COL5A3: variants seen among roughly 807,000 people sequenced by gnomAD.
COL5A3 encodes the protein collagen type V alpha 3 chain.
A neutral mutation model predicts 250.0 loss-of-function variants in COL5A3; 172 were observed. That is an observed-to-expected ratio of 0.69 (90% CI 0.61 to 0.78). The LOEUF is 0.78. Among genes scored for constraint, COL5A3 ranks in the 30% least tolerant of loss-of-function variants. The pLI, the probability that COL5A3 is intolerant of heterozygous loss-of-function variation, is 0.00. For synonymous variants in COL5A3, 937 were observed against 900.4 expected, an observed-to-expected ratio of 1.04 and a Z score of -0.73; for missense variants, 2,340 against 2,334.4, an observed-to-expected ratio of 1.00 and a Z score of -0.05.
chr19:10,009,619 G>A lies in COL5A3; in HGVS notation c.88+679C>T, dbSNP rs1473805297. Among the ~76,000 whole-genome samples the A allele has an allele frequency of 6.6e-6, 1 of 152,132 alleles. No individual in the cohort carries two copies. The highest frequency in any genetic ancestry group is 1.9e-4 in the East Asian group (1 of 5,176). ...CTCTGGGGACCGCGGGGTGGGGGAGGGGGCAACAGGGAGGGAGGGGAGGAG... is the reference window on the plus strand; with the variant it reads ...CTCTGGGGACCGCGGGGTGGGGGAGAGGGCAACAGGGAGGGAGGGGAGGAG... On this transcript the variant is annotated intron_variant, in intron 1 of 66. Transcript: ENST00000264828. This position sits in a 1 kb window ranked among gnomAD's most constrained non-coding sequence, Gnocchi z 4.4.
intron 8 of COL5A3, among the ~76,000 whole-genome samples, chr19:9,999,672 T>C (rs1050068442): frequency 1.3e-5 from 2 of 152,016 alleles, no homozygotes; most frequent in African/African-American, 2.4e-5. Context: ...TTCACCATGT[T>C]AGCCAGGATG....
Position 9,980,045 on chromosome 19 carries a change from G to A in COL5A3, c.2607C>T (p.Gly869=), listed in dbSNP as rs368018980. ...DGAPGIPGEK[G]LPGLQGPPGF... is the part of the protein sequence containing the mutation. ...CTGGAGGGCCTTGCAGACCAGGGAG[G>A]CCCTGAAATGGAAACAGAAATCATG... Residue 869 remains glycine, a splice_region_variant and synonymous_variant, in exon 36 of 67, where the codon GGC becomes GGT. Transcript: ENST00000264828. 47 of 1,595,482 alleles carry A rather than the reference G, an allele frequency of 2.9e-5. No individual in the cohort carries two copies. The highest frequency in any genetic ancestry group is 4.0e-5 in the Non-Finnish European group (47 of 1,175,336).
Position 9,960,690 on chromosome 19 carries a change from C to T in COL5A3, c.5052G>A (p.Thr1684=), listed in dbSNP as rs749411586. The part of the protein sequence containing the change: ...TNGEELSFNQ[T]TAATVSVPQD... ...GGGGGACGCTGACAGTGGCTGCTGT[C>T]GTCTGGTTGAAAGACAGCTCCTCTC... is the stretch of plus-strand genomic sequence containing the variant. Residue 1684 remains threonine, a synonymous_variant, in exon 66 of 67, where the codon ACG becomes ACA. Transcript: ENST00000264828. 5.6e-6 allele frequency: 9 copies of T among 1,613,802 alleles called. No homozygotes were observed. Among genetic ancestry groups the T allele is most frequent in the South Asian group, 4.4e-5 (4 of 91,060 alleles).
At chr19:9,996,346 A>G in intron 13 of COL5A3, 84 bp from the exon 14 acceptor site, 1 of 1,549,194 alleles carries the variant, frequency 6.5e-7, no homozygotes, top group Non-Finnish European at 8.7e-7. Flanking sequence ...GAGAAAAATA[A>G]CCCCCTTCTC....
chr19:10,006,357 T>C, intron 1 of COL5A3, 126 bp from the exon 2 acceptor site: 1 of 930,158 alleles, frequency 1.1e-6, no homozygotes, highest in East Asian at 2.7e-5. Flanking sequence ...CCCACCATGT[T>C]TGTGGCTCAG....
At chr19:9,995,069 G>A (rs1046290870) in intron 16 of COL5A3, among the ~76,000 whole-genome samples, 14 of 151,958 alleles carry the variant, frequency 9.2e-5, no homozygotes, top group South Asian at 2.1e-4. Flanking sequence ...TGCCATGCCC[G>A]GCTAATTTTT....
intron 32 of COL5A3, 138 bp downstream of exon 32, chr19:9,981,927 A>G (rs908737768): frequency 1.4e-6 from 1 of 724,252 alleles, no homozygotes; most frequent in Non-Finnish European, 2.5e-6. Context: ...CATGCATTGC[A>G]TATAATAGCA....
chr19:10,010,205 C>T (rs1006872613), intron 1 of COL5A3, 93 bp downstream of exon 1: 2 of 839,142 alleles, frequency 2.4e-6, no homozygotes, highest in Non-Finnish European at 3.3e-6. Context: ...ACGCCCTTCC[C>T]CTCCACGCCC....
intron 24 of COL5A3, 109 bp downstream of exon 24, chr19:9,991,501 C>T (rs7248892): frequency 0.18 from 156,592 of 891,466 alleles, 19,948 homozygotes; most frequent in African/African-American, 0.58. Flanking sequence ...ATGTTGCAGT[C>T]TATCACTATC....
chr19:9,992,038 C>A lies in COL5A3; in HGVS notation c.1859G>T (p.Gly620Val). ...PGPTGRPGVT[G>V]IDGAPGAKGN... is the part of the protein sequence containing the mutation. Reference sequence around the variant, plus strand: ...TTTGGCACCAGGAGCACCATCAATTCCAGTCACACCCTAGGGGAAAAGAGG... The same window carrying A: ...TTTGGCACCAGGAGCACCATCAATTACAGTCACACCCTAGGGGAAAAGAGG... The change falls in exon 22 of 67, where the codon GGA becomes GTA. Residue 620 changes from glycine to valine, a missense_variant. Gly to Val is a moderately radical substitution (Grantham distance 109, BLOSUM62 -3). Around this residue, in one of 3 missense-constraint regions of COL5A3, gnomAD observed 1,152 missense variants for 1,146.3 expected, o/e 1.00. Transcript: ENST00000264828. 6.2e-7 allele frequency: 1 copy of A among 1,613,732 alleles called. No individual in the cohort carries two copies. The highest frequency in any genetic ancestry group is 8.5e-7 in the Non-Finnish European group (1 of 1,179,848).
In COL5A3 at chr19:9,978,973, A is replaced by C; in HGVS notation, c.2882T>G (p.Leu961Arg). 1 of 1,539,938 alleles carries C rather than the reference A, an allele frequency of 6.5e-7. No homozygotes were observed. The highest frequency in any genetic ancestry group is 8.7e-7 in the Non-Finnish European group (1 of 1,147,048). The change falls in exon 40 of 67, where the codon CTG becomes CGG. Residue 961 changes from leucine (L) to arginine (R), a missense_variant. Transcript: ENST00000264828. ...LEGREGAKGE[L>R]GPPGPLGKEG... ...TTTCCCAAGGGGTCCTGGTGGTCCC[A>C]GTTCCCCCTACAGGAGTGCAAAGGA...
chr19:10,003,791 C>T (rs1332381043), intron 5 of COL5A3, 77 bp from the exon 6 acceptor site: 64 of 1,577,636 alleles, frequency 4.1e-5, no homozygotes, highest in Non-Finnish European at 5.2e-5. Flanking sequence ...TGGGGTGAGG[C>T]TGGCTCATGG....
At position 9,968,304 on chromosome 19, in the gene COL5A3, T is replaced by A. The variant is rs999413186; in HGVS notation, c.4314+81A>T. The stretch of plus-strand genomic sequence containing the variant: ...ACACCCTCATTAATCCAGACCCACG[T>A]TTCCCAGACCCCACACCCACAGTCT... On this transcript the variant is annotated intron_variant, in intron 59 of 66. Coordinates refer to ENST00000264828, the MANE Select transcript of COL5A3 (RefSeq NM_015719.4). The surrounding 1 kb of genome is among the most constrained non-coding windows in gnomAD (Gnocchi z 4.1). The A allele has an allele frequency of 1.7e-5, 21 of 1,241,458 alleles. No homozygotes were observed. The highest frequency in any genetic ancestry group is 2.2e-5 in the Non-Finnish European group (19 of 869,516). The allele number at this position is 1,241,458 out of a possible 1,614,324, so 76.9% of individuals were successfully genotyped here.
intron 54 of COL5A3, among the ~76,000 whole-genome samples, 197 bp downstream of exon 54, chr19:9,970,425 A>ATCTGTG (rs1568407838): frequency 2.4e-4 from 2 of 8,388 alleles, no homozygotes; most frequent in Admixed American, 1.5e-3. Context: ...GGGGGCTGTA[A>ATCTGTG]GGTGAGTGGG....
intron 51 of COL5A3, among the ~76,000 whole-genome samples, chr19:9,971,626 C>T (rs952075405): frequency 2.1e-4 from 32 of 152,010 alleles, no homozygotes; most frequent in African/African-American, 6.3e-4. Context: ...ACACGCCAAA[C>T]AATGCCATTC....
chr19:9,989,224 A>T (rs770854680), intron 26 of COL5A3, 47 bp from the exon 27 acceptor site: 2 of 1,612,422 alleles, frequency 1.2e-6, no homozygotes, highest in South Asian at 2.2e-5. Flanking sequence ...TCCCTTCCAC[A>T]TTCTAAGAGC....
chr19:9,993,166 G>A (rs2087219431), intron 19 of COL5A3, 99 bp from the exon 20 acceptor site: 1 of 1,332,624 alleles, frequency 7.5e-7, no homozygotes, highest in Non-Finnish European at 1.1e-6. Flanking sequence ...CTCGGAATTA[G>A]ACCAGGATCC....
chr19:9,984,481 A>G (rs752622072), intron 31 of COL5A3, among the ~76,000 whole-genome samples: 32 of 152,236 alleles, frequency 2.1e-4, no homozygotes, highest in Non-Finnish European at 3.8e-4. Context: ...ACGTTTTTGC[A>G]TAAGTACATT....
intron 37 of COL5A3, 69 bp downstream of exon 37, chr19:9,979,770 A>C: frequency 7.1e-7 from 1 of 1,415,418 alleles, no homozygotes; most frequent in Admixed American, 2.0e-5. Context: ...CAGGTGACAG[A>C]GTGAGACTCT....
Sources: allele counts gnomAD v4.1 joint callset (sites outside exome capture counted in the v4.1 genomes callset), GRCh38; gene constraint gnomAD v4.1.1; regional missense constraint gnomAD v4.1.1; non-coding constraint Gnocchi (gnomAD v3.1); transcripts MANE v1.5; gene names NCBI Gene and HGNC (gene_info 2026-07-23, HGNC 2026-07-21).